Variants in GLI2 observed in about 807,000 individuals in gnomAD.
GLI2 encodes the protein transcription activator GLI2.
In GLI2, 22 loss-of-function variants were observed where a neutral mutation model predicts 78.9. The ratio of observed to expected loss-of-function variants is 0.28; its 90% CI spans 0.20 to 0.40. The LOEUF is 0.40. GLI2 is among the 10% of genes least tolerant of loss of function. GLI2 has a pLI of 1.00. For missense variants in GLI2, 2,097 were observed against 2,213.2 expected (o/e 0.95, Z 1.05); for synonymous variants, 974 against 963.7 (o/e 1.01, Z -0.20).
At chr2:120,835,056 G>T (rs1686543091) in intron 2 of GLI2, among the ~76,000 whole-genome samples, 1 of 152,114 alleles carries the variant, frequency 6.6e-6, no homozygotes, top group African/African-American at 2.4e-5. Flanking sequence ...AAATTGACTG[G>T]TTTTTGACAA....
At chr2:120,954,363 A>G (rs533034504) in intron 4 of GLI2, among the ~76,000 whole-genome samples, 28 of 152,314 alleles carry the variant, frequency 1.8e-4, no homozygotes, top group Non-Finnish European at 3.1e-4. Flanking sequence ...GTGGGCGATC[A>G]GCCTGGCTGG....
chr2:120,786,414 G>A (rs1683998675), intron 1 of GLI2, among the ~76,000 whole-genome samples: 1 of 152,118 alleles, frequency 6.6e-6, no homozygotes, highest in Non-Finnish European at 1.5e-5. Context: ...GAAGAGCCTG[G>A]AAAGGCCACC....
chr2:120,859,333 G>A (rs977288227), intron 2 of GLI2, among the ~76,000 whole-genome samples: 11 of 152,130 alleles, frequency 7.2e-5, no homozygotes, highest in Admixed American at 1.3e-4. Flanking sequence ...GAATGTCATT[G>A]GAGCTTAAGG....
intron 2 of GLI2, among the ~76,000 whole-genome samples, chr2:120,867,975 G>C (rs2104663764): frequency 6.6e-6 from 1 of 152,278 alleles, no homozygotes; most frequent in East Asian, 1.9e-4. Context: ...CAGGGACTGG[G>C]GGCTCTGGAA....
intron 1 of GLI2, among the ~76,000 whole-genome samples, chr2:120,750,556 G>A (rs901374900): frequency 5.3e-5 from 8 of 152,222 alleles, no homozygotes; most frequent in African/African-American, 1.4e-4. Context: ...ATTACCTGGC[G>A]CATAGTAAGC....
chr2:120,831,990 G>A (rs1238998069), intron 2 of GLI2, among the ~76,000 whole-genome samples: 1 of 152,228 alleles, frequency 6.6e-6, no homozygotes, highest in Non-Finnish European at 1.5e-5. Context: ...CCCATATGGG[G>A]CACCACAAGG....
At chr2:120,903,896 T>A (rs1325254812) in intron 2 of GLI2, among the ~76,000 whole-genome samples, 1 of 152,140 alleles carries the variant, frequency 6.6e-6, no homozygotes, top group Non-Finnish European at 1.5e-5. Flanking sequence ...GGCGGGTGAC[T>A]GTGGTGACTT....
At chr2:120,796,751 A>G (rs796383388) in intron 1 of GLI2, among the ~76,000 whole-genome samples, 17 of 152,360 alleles carry the variant, frequency 1.1e-4, no homozygotes, top group African/African-American at 3.8e-4. Context: ...ATGATGCCTG[A>G]TGCATACTAG....
chr2:120,741,752 GCCC>G (rs1682552847), intron 1 of GLI2, among the ~76,000 whole-genome samples: 1 of 152,010 alleles, frequency 6.6e-6, no homozygotes, highest in Non-Finnish European at 1.5e-5. Context: ...TGCCCCGAGC[GCCC>G]CGGGCCCGCG....
Position 120,988,531 on chromosome 2 carries a change from A to G in GLI2, c.2566A>G (p.Ser856Gly). 1.3e-6 allele frequency: 2 copies of G among 1,511,368 alleles called. No homozygotes were observed. Among genetic ancestry groups the G allele is most frequent in the Non-Finnish European group, 8.8e-7 (1 of 1,137,174 alleles). The allele number at this position is 1,511,368 out of a possible 1,614,324, so 93.6% of individuals were successfully genotyped here. A position where few individuals can be genotyped will look rare whatever the true frequency, so the allele number is the denominator to read the frequency against. Residue 856 changes from serine to glycine, a missense_variant, in exon 14 of 14, where the codon AGC becomes GGC. Around this residue, in one of 5 missense-constraint regions of GLI2, gnomAD observed 1,290 missense variants for 1,261.7 expected, o/e 1.02. Transcript: ENST00000361492. ...GCGCTCGAGCGAGGCCAGCCAGTGC[A>G]GCGGCGGCTCCGGGCTGCTCAACCT... is the stretch of plus-strand genomic sequence containing the variant. ...SRRSSEASQCSGGSGLLNLTP... is the reference protein window; with the variant it reads ...SRRSSEASQCGGGSGLLNLTP...
At chr2:120,947,382 G>A (rs1254814182) in intron 3 of GLI2, among the ~76,000 whole-genome samples, 2 of 152,238 alleles carry the variant, frequency 1.3e-5, no homozygotes, top group African/African-American at 4.8e-5. Flanking sequence ...AATTCACAAA[G>A]AAAATATGTG....
chr2:120,895,500 C>T (rs1558864728), intron 2 of GLI2, among the ~76,000 whole-genome samples: 3 of 152,074 alleles, frequency 2.0e-5, no homozygotes, highest in Admixed American at 6.5e-5. Flanking sequence ...GTCAGGAGTT[C>T]GAGACCAACC....
At chr2:120,889,538 G>A (rs986696883) in intron 2 of GLI2, among the ~76,000 whole-genome samples, 2 of 152,180 alleles carry the variant, frequency 1.3e-5, no homozygotes, top group Admixed American at 6.5e-5. Flanking sequence ...TGTTGAGAGG[G>A]TGAAGAGACA....
chr2:120,891,543 G>T (rs148221115), intron 2 of GLI2, among the ~76,000 whole-genome samples: 1 of 152,130 alleles, frequency 6.6e-6, no homozygotes. Context: ...ATAGATGAAC[G>T]GGCGTACAGA....
intron 1 of GLI2, among the ~76,000 whole-genome samples, chr2:120,778,484 G>A (rs927683455): frequency 6.6e-6 from 1 of 152,206 alleles, no homozygotes; most frequent in Non-Finnish European, 1.5e-5. Flanking sequence ...GGCAGGTGAT[G>A]TGGCGCAGGA....
chr2:120,783,259 T>C (rs2104672896), intron 1 of GLI2, among the ~76,000 whole-genome samples: 1 of 152,196 alleles, frequency 6.6e-6, no homozygotes, highest in East Asian at 1.9e-4. Context: ...GAGGGCTCTC[T>C]AGGAAGTCTC....
chr2:120,736,656 G>T (rs1216024120), intron 1 of GLI2, among the ~76,000 whole-genome samples: 1 of 152,036 alleles, frequency 6.6e-6, no homozygotes, highest in Non-Finnish European at 1.5e-5. Flanking sequence ...GGTGGGATCG[G>T]AGGCTGGGAT....
intron 2 of GLI2, among the ~76,000 whole-genome samples, chr2:120,922,501 C>T (rs993479788): frequency 6.6e-6 from 1 of 152,162 alleles, no homozygotes; most frequent in African/African-American, 2.4e-5. Context: ...TCACTTACCA[C>T]CCAATGGATC....
chr2:120,746,979 G>T (rs1558777549), intron 1 of GLI2, among the ~76,000 whole-genome samples: 1 of 152,030 alleles, frequency 6.6e-6, no homozygotes, highest in Non-Finnish European at 1.5e-5. Flanking sequence ...TGCCTCTCTC[G>T]TATTTTATTT....
Sources: gnomAD v4.1 joint callset for allele counts (sites outside exome capture counted in the v4.1 genomes callset) on GRCh38, gnomAD v4.1.1 for gene constraint, gnomAD v4.1.1 regional missense constraint, MANE v1.5 for transcripts, NCBI Gene and HGNC (gene_info 2026-07-23, HGNC 2026-07-21) for gene names.